The following ERG variants were observed in gnomAD, a reference collection of about 807,000 sequenced individuals.
ERG encodes transcriptional regulator ERG.
ERG carries 9 observed loss-of-function variants against 55.3 expected under a neutral mutation model. The observed-to-expected ratio is 0.16, with a 90% CI of 0.10 to 0.28. ERG has a LOEUF of 0.28. Among genes scored for constraint, ERG ranks in the 10% least tolerant of loss-of-function variants. The pLI, the probability that ERG is intolerant of heterozygous loss-of-function variation, is 1.00. For synonymous variants in ERG, 223 were observed against 237.3 expected (o/e 0.94, Z 0.55); for missense variants, 434 against 631.6 (o/e 0.69, Z 3.35).
intron 1 of ERG, among the ~76,000 whole-genome samples, chr21:38,493,684 G>C (rs1224887349): frequency 6.6e-6 from 1 of 152,170 alleles, no homozygotes; most frequent in Non-Finnish European, 1.5e-5. Context: ...CTCAGAACAG[G>C]ACGAAGCCAA....
At chr21:38,455,868 T>TCCCCCCCCCCCC (rs200521885) in intron 1 of ERG, among the ~76,000 whole-genome samples, 4 of 130,630 alleles carry the variant, frequency 3.1e-5, no homozygotes, top group African/African-American at 5.5e-5. Flanking sequence ...ATTGGTACGG[T>TCCCCCCCCCCCC]CCCCCCCCTC....
At chr21:38,590,557 C>T (rs1420548333) in intron 1 of ERG, among the ~76,000 whole-genome samples, 1 of 144,534 alleles carries the variant, frequency 6.9e-6, no homozygotes, top group Non-Finnish European at 1.5e-5. Context: ...TCCATTCATT[C>T]ATACAATTGT....
At chr21:38,374,940 T>A in the ERG span, among the ~76,000 whole-genome samples, 1 of 152,130 alleles carries the variant, frequency 6.6e-6, no homozygotes, top group Non-Finnish European at 1.5e-5. Flanking sequence ...AAAGAAAAAA[T>A]TCCCTGCCTG....
chr21:38,562,044 T>C (rs2059895992), intron 2 of ERG, among the ~76,000 whole-genome samples: 1 of 152,336 alleles, frequency 6.6e-6, no homozygotes, highest in South Asian at 2.1e-4. Flanking sequence ...TACCAGAATC[T>C]GAGCAGCAAA....
At chr21:38,549,212 T>C (rs984303870) in intron 2 of ERG, among the ~76,000 whole-genome samples, 1 of 152,134 alleles carries the variant, frequency 6.6e-6, no homozygotes, top group African/African-American at 2.4e-5. Flanking sequence ...ACAGGTATAA[T>C]GTTTTTATAA....
rs1353866241 is a variant in ERG at position 38,464,990 on chromosome 21, G to T, written c.19-19369C>A. On this transcript the variant is annotated intron_variant, in intron 1 of 9. Transcript: ENST00000288319. ...TGATGAGCATTTGAGTTGGTTCTGGGTTCATGTTTTAAAATCTCAATTTGC... is the reference window on the plus strand; with the variant it reads ...TGATGAGCATTTGAGTTGGTTCTGGTTTCATGTTTTAAAATCTCAATTTGC... Among the ~76,000 whole-genome samples the T allele has an allele frequency of 8.5e-5, 13 of 152,068 alleles. 1 individual carries two copies. The highest frequency in any genetic ancestry group is 8.5e-4 in the Admixed American group (13 of 15,270).
chr21:38,641,020 C>T (rs1395958123), intron 1 of ERG, among the ~76,000 whole-genome samples: 2 of 152,174 alleles, frequency 1.3e-5, no homozygotes. Context: ...AGTGAATAAA[C>T]TAACGCATAC....
At chr21:38,402,710 TACA>T (rs1988557451) in intron 4 of ERG, 73 bp from the exon 5 acceptor site, 9 of 365,702 alleles carry the variant, frequency 2.5e-5, no homozygotes, top group Non-Finnish European at 3.4e-5. Context: ...TTACCTTTCT[TACA>T]AAAAAAAAAA....
At position 38,383,587 on chromosome 21, in the gene ERG, C is replaced by G. The variant is rs1321793831; in HGVS notation, c.1256G>C (p.Gly419Ala). The change falls in exon 10 of 10, where the codon GGC becomes GCC. Residue 419 changes from glycine to alanine, a missense_variant. By Grantham distance (60) the Gly-to-Ala change is moderately conservative (BLOSUM62 0). Around this residue, in one of 5 missense-constraint regions of ERG, gnomAD observed 107 missense variants for 126.8 expected, o/e 0.84. Transcript: ENST00000288319. This position sits in a 1 kb window ranked among gnomAD's most constrained non-coding sequence, Gnocchi z 5.7. ...CTTCTGTGGGTGGGCGTGATAGGAG[C>G]CCATGTACGGGAGGTCTGAGGGGTA... The part of the protein sequence containing the change: ...YKYPSDLPYM[G>A]SYHAHPQKMN... 1 of 1,609,192 alleles carries G rather than the reference C, an allele frequency of 6.2e-7. No homozygotes were observed. Among genetic ancestry groups the G allele is most frequent in the East Asian group, 2.2e-5 (1 of 44,704 alleles).
chr21:38,482,740 T>C (rs1346601967), intron 1 of ERG, among the ~76,000 whole-genome samples: 1 of 151,908 alleles, frequency 6.6e-6, no homozygotes, highest in Admixed American at 6.6e-5. Flanking sequence ...TGCAGTGGCA[T>C]GATCTCGACT....
In ERG at chr21:38,381,155, T is replaced by C. The variant is rs1987415820; in HGVS notation, c.*2248A>G. 9.4e-7 allele frequency: 1 copy of C among 1,065,282 alleles called. No homozygotes were observed. Among genetic ancestry groups the C allele is most frequent in the Admixed American group, 5.3e-5 (1 of 18,734 alleles). 66.0% of individuals were successfully genotyped at this position (1,065,282 alleles called of 1,614,324 possible). Reference sequence around the variant, plus strand: ...GACTTCAAAGCCCACTGCCAAAACATCCACAGCACAGAGGTTTGGCAACTT... The same window carrying C: ...GACTTCAAAGCCCACTGCCAAAACACCCACAGCACAGAGGTTTGGCAACTT... On this transcript the variant is annotated 3_prime_UTR_variant, in exon 10 of 10. Coordinates refer to ENST00000288319, the MANE Select transcript of ERG (RefSeq NM_182918.4).
chr21:38,482,272 T>C (rs1273036852), intron 1 of ERG, among the ~76,000 whole-genome samples: 13 of 152,190 alleles, frequency 8.5e-5, no homozygotes, highest in African/African-American at 2.9e-4. Flanking sequence ...AGGTGCCCAA[T>C]ATCACTAATC....
chr21:38,369,527 C>T, the ERG span, among the ~76,000 whole-genome samples: 1 of 151,972 alleles, frequency 6.6e-6, no homozygotes, highest in Non-Finnish European at 1.5e-5. Flanking sequence ...GATATTAGAC[C>T]TTTGTTAGAT....
chr21:38,647,832 G>T (rs1407271395), intron 1 of ERG, among the ~76,000 whole-genome samples: 1 of 152,072 alleles, frequency 6.6e-6, no homozygotes, highest in Non-Finnish European at 1.5e-5. Flanking sequence ...TCCTATTTTA[G>T]AAGCCAATGG....
intron 1 of ERG, among the ~76,000 whole-genome samples, chr21:38,661,016 G>A (rs1200039214): frequency 6.6e-6 from 1 of 151,890 alleles, no homozygotes; most frequent in Non-Finnish European, 1.5e-5. Context: ...GGAAGAGGAG[G>A]AGGCGGAGGA....
intron 1 of ERG, among the ~76,000 whole-genome samples, chr21:38,602,403 C>T (rs1018317974): frequency 2.6e-5 from 4 of 152,000 alleles, no homozygotes; most frequent in Admixed American, 2.0e-4. Context: ...CAAGATTGTG[C>T]CACTGCACTC....
intron 1 of ERG, among the ~76,000 whole-genome samples, chr21:38,480,720 C>T (rs2059231493): frequency 6.9e-6 from 1 of 144,388 alleles, no homozygotes; most frequent in African/African-American, 2.6e-5. Flanking sequence ...CAAAGTAATA[C>T]TAATTTTGCA....
intron 1 of ERG, among the ~76,000 whole-genome samples, chr21:38,626,687 A>G (rs1402264317): frequency 1.3e-5 from 2 of 150,334 alleles, no homozygotes; most frequent in East Asian, 4.0e-4. Flanking sequence ...TTAATTAATT[A>G]AATGTTTATG....
chr21:38,482,082 C>G (rs908389339), intron 1 of ERG, among the ~76,000 whole-genome samples: 23 of 152,278 alleles, frequency 1.5e-4, no homozygotes, highest in African/African-American at 5.5e-4. Context: ...AACTGTATTC[C>G]TGCTTTTAAT....
Sources: gnomAD v4.1 joint callset for allele counts (sites outside exome capture counted in the v4.1 genomes callset) on GRCh38, gnomAD v4.1.1 for gene constraint, gnomAD v4.1.1 regional missense constraint, Gnocchi (gnomAD v3.1) non-coding constraint, MANE v1.5 for transcripts, NCBI Gene and HGNC (gene_info 2026-07-23, HGNC 2026-07-21) for gene names.